Variants in NXPE2 observed in about 807,000 individuals in gnomAD.
NXPE2 encodes neurexophilin and PC-esterase domain family member 2.
NXPE2 carries 34 observed loss-of-function variants against 34.4 expected under a neutral mutation model. The observed-to-expected ratio is 0.99, with a 90% CI of 0.75 to 1.31. NXPE2 has a LOEUF of 1.31. NXPE2 is among the 40% of genes most tolerant of loss of function. The pLI, the probability that NXPE2 is intolerant of heterozygous loss-of-function variation, is 0.00. For synonymous variants in NXPE2, 235 were observed against 231.3 expected (o/e 1.02, Z -0.15); for missense variants, 649 against 672.5 (o/e 0.97, Z 0.39).
chr11:114,626,925 G>C, the NXPE2 span, among the ~76,000 whole-genome samples: 1 of 151,664 alleles, frequency 6.6e-6, no homozygotes, highest in African/African-American at 2.4e-5. Flanking sequence ...ATCAGTGATG[G>C]AAGATGAAAT....
the NXPE2 span, among the ~76,000 whole-genome samples, chr11:114,580,866 G>A: frequency 6.6e-6 from 1 of 152,164 alleles, no homozygotes; most frequent in Non-Finnish European, 1.5e-5. Flanking sequence ...TCCAAGATGG[G>A]CCAAAGATGA....
the NXPE2 span, among the ~76,000 whole-genome samples, chr11:114,475,226 G>GTTTTTTTTTTTTTTTTTTTTTT: frequency 5.7e-5 from 5 of 88,070 alleles, 2 homozygotes; most frequent in African/African-American, 8.2e-5. Context: ...AATGTGAACT[G>GTTTTTTTTTTTTTTTTTTTTTT]TTTTTTTTTT....
chr11:114,812,091 G>C, the NXPE2 span, among the ~76,000 whole-genome samples: 4 of 152,202 alleles, frequency 2.6e-5, no homozygotes, highest in African/African-American at 9.7e-5. Context: ...AGCGTTGAGA[G>C]CAAATTGATT....
rs1440429272 is a variant in NXPE2 at position 114,706,809 on chromosome 11, ATCT to A, written c.1561_1563del (p.Leu521del). On this transcript the variant is annotated inframe_deletion, in exon 6 of 6. Coordinates refer to ENST00000389586, the MANE Select transcript of NXPE2 (RefSeq NM_182495.6). ...CTTATCATAAGAGATATTTTTGTGG[ATCT>A]TAATGTGGGTATTATTGATGCCTGG... is the stretch of plus-strand genomic sequence containing the variant. 6.4e-7 allele frequency: 1 copy of A among 1,552,232 alleles called. No individual in the cohort carries two copies. Among genetic ancestry groups the A allele is most frequent in the South Asian group, 1.2e-5 (1 of 84,058 alleles).
the NXPE2 span, among the ~76,000 whole-genome samples, chr11:114,642,089 A>G: frequency 2.0e-5 from 3 of 152,172 alleles, no homozygotes; most frequent in Non-Finnish European, 2.9e-5. Flanking sequence ...TTAACTTCCA[A>G]AGTGGAAAAG....
At chr11:114,637,147 C>T in the NXPE2 span, among the ~76,000 whole-genome samples, 5,910 of 151,624 alleles carry the variant, frequency 0.039, 190 homozygotes, top group Middle Eastern at 0.092. Flanking sequence ...CTAGGTGCTC[C>T]TGTATTGGGT....
the NXPE2 span, among the ~76,000 whole-genome samples, chr11:114,643,901 AG>A: frequency 2.0e-5 from 3 of 151,984 alleles, no homozygotes; most frequent in African/African-American, 4.8e-5. Context: ...ATGAGCATGG[AG>A]TGTTTTTCCA....
upstream of NXPE2, among the ~76,000 whole-genome samples, chr11:114,676,927 A>C (rs912225878): frequency 2.0e-5 from 3 of 152,084 alleles, no homozygotes; most frequent in Non-Finnish European, 4.4e-5. Context: ...GGTGTTGCTC[A>C]GCCTTAAAAA....
At chr11:114,535,676 A>G in the NXPE2 span, among the ~76,000 whole-genome samples, 1 of 152,232 alleles carries the variant, frequency 6.6e-6, no homozygotes, top group Non-Finnish European at 1.5e-5. Flanking sequence ...AGATCAAAAG[A>G]GACAAAGAAG....
chr11:114,699,960 A>C (rs753234518), intron 3 of NXPE2, among the ~76,000 whole-genome samples: 1 of 151,968 alleles, frequency 6.6e-6, no homozygotes, highest in Admixed American at 6.6e-5. Flanking sequence ...CACCTGGCTA[A>C]TTTTTGTATC....
At chr11:114,553,357 G>C in the NXPE2 span, among the ~76,000 whole-genome samples, 1 of 152,142 alleles carries the variant, frequency 6.6e-6, no homozygotes, top group Non-Finnish European at 1.5e-5. Context: ...TTGGATTGCT[G>C]ATATGTCACA....
the NXPE2 span, chr11:114,522,934 G>A: frequency 1.2e-6 from 2 of 1,613,472 alleles, no homozygotes; most frequent in Non-Finnish European, 1.7e-6. Context: ...AGTCTCCCAG[G>A]AGGTAAATGA....
the NXPE2 span, among the ~76,000 whole-genome samples, chr11:114,490,479 G>C: frequency 2.0e-5 from 3 of 152,188 alleles, no homozygotes; most frequent in Non-Finnish European, 4.4e-5. Flanking sequence ...AATCAAAACA[G>C]CATGGTACTG....
the NXPE2 span, among the ~76,000 whole-genome samples, chr11:114,506,228 A>C: frequency 6.6e-6 from 1 of 152,308 alleles, no homozygotes; most frequent in East Asian, 1.9e-4. Context: ...CCAGATTCAT[A>C]AAGCAAGTTT....
At chr11:114,504,603 A>G in the NXPE2 span, among the ~76,000 whole-genome samples, 3 of 152,184 alleles carry the variant, frequency 2.0e-5, no homozygotes, top group African/African-American at 7.2e-5. Flanking sequence ...AGTCCCCTAC[A>G]TTAGAACATG....
the NXPE2 span, among the ~76,000 whole-genome samples, chr11:114,547,871 A>G: frequency 1.3e-5 from 2 of 152,230 alleles, no homozygotes; most frequent in Non-Finnish European, 2.9e-5. Context: ...TTTATTGGTT[A>G]TGCTACAATA....
chr11:114,540,164 C>T, the NXPE2 span, among the ~76,000 whole-genome samples: 13 of 152,186 alleles, frequency 8.5e-5, no homozygotes, highest in Non-Finnish European at 1.8e-4. Context: ...ACCATGTTGG[C>T]CAGGCTGGCC....
At chr11:114,646,136 C>T in the NXPE2 span, among the ~76,000 whole-genome samples, 1 of 151,980 alleles carries the variant, frequency 6.6e-6, no homozygotes, top group East Asian at 1.9e-4. Flanking sequence ...TATATGCTGG[C>T]CTGAGGTAAT....
At chr11:114,469,993 T>G in the NXPE2 span, among the ~76,000 whole-genome samples, 9 of 152,260 alleles carry the variant, frequency 5.9e-5, no homozygotes, top group Admixed American at 4.6e-4. Context: ...ACATTTATTT[T>G]GTGATATCCA....
Sources: gnomAD v4.1 joint callset for allele counts (sites outside exome capture counted in the v4.1 genomes callset) on GRCh38, gnomAD v4.1.1 for gene constraint, MANE v1.5 for transcripts, NCBI Gene and HGNC (gene_info 2026-07-23, HGNC 2026-07-21) for gene names.